Variants in KCNQ5 observed in about 807,000 individuals in gnomAD.
The protein encoded by KCNQ5 is potassium voltage-gated channel subfamily Q member 5.
KCNQ5 carries 30 observed loss-of-function variants against 98.2 expected under a neutral mutation model. That is an observed-to-expected ratio of 0.31 (90% CI 0.23 to 0.41). The LOEUF (loss-of-function observed/expected upper bound fraction) is 0.41, where lower values mean the gene tolerates loss of function less well. Ranked by LOEUF, KCNQ5 falls within the 10% of genes least tolerant of loss-of-function variation. The pLI is 1.00. For missense variants in KCNQ5, 835 were observed against 1,182.5 expected, an observed-to-expected ratio of 0.71 and a Z score of 4.31; for synonymous variants, 458 against 449.4, an observed-to-expected ratio of 1.02 and a Z score of -0.24.
chr6:73,029,727 A>G (rs9342996), intron 2 of KCNQ5, among the ~76,000 whole-genome samples: 138,467 of 151,126 alleles, frequency 0.92, 64,699 homozygotes, highest in East Asian at 1. Flanking sequence ...AGGTCAGGAG[A>G]TCGAGACCAT....
chr6:72,895,036 T>C (rs1235688066), intron 1 of KCNQ5, among the ~76,000 whole-genome samples: 1 of 149,752 alleles, frequency 6.7e-6, no homozygotes, highest in Admixed American at 6.6e-5. Context: ...TCCCAGACTT[T>C]GGGAGGCCGA....
At chr6:73,078,163 T>C (rs1773611665) in intron 5 of KCNQ5, among the ~76,000 whole-genome samples, 1 of 151,354 alleles carries the variant, frequency 6.6e-6, no homozygotes, top group African/African-American at 2.4e-5. Flanking sequence ...ATTTTTAAAA[T>C]GGTGATTAAA....
chr6:72,777,105 T>A, intron 1 of KCNQ5, among the ~76,000 whole-genome samples: 1 of 152,220 alleles, frequency 6.6e-6, no homozygotes, highest in East Asian at 1.9e-4. Context: ...CTGAGATGGA[T>A]GAAACCAACA....
At chr6:72,785,420 G>A (rs897745273) in intron 1 of KCNQ5, among the ~76,000 whole-genome samples, 5 of 151,964 alleles carry the variant, frequency 3.3e-5, no homozygotes, top group Non-Finnish European at 5.9e-5. Context: ...AGGCCGAGGC[G>A]GGTGGATCGC....
At chr6:73,010,910 A>G (rs1770036141) in intron 2 of KCNQ5, among the ~76,000 whole-genome samples, 3 of 152,052 alleles carry the variant, frequency 2.0e-5, no homozygotes, top group African/African-American at 4.8e-5. Context: ...CCCTGTCCAT[A>G]GTTTTGAGAA....
At chr6:72,685,930 A>C (rs560295596) in intron 1 of KCNQ5, among the ~76,000 whole-genome samples, 1 of 152,162 alleles carries the variant, frequency 6.6e-6, no homozygotes, top group Admixed American at 6.5e-5. Context: ...AACAGATTCA[A>C]TTCTTAGTGA....
At chr6:72,638,752 T>C (rs184604810) in intron 1 of KCNQ5, among the ~76,000 whole-genome samples, 93 of 152,330 alleles carry the variant, frequency 6.1e-4, no homozygotes, top group Non-Finnish European at 1.0e-3. Context: ...AAATCTGTTA[T>C]GTTTTTGTAC....
At chr6:73,135,154 G>C (rs1582421934) in intron 10 of KCNQ5, 1 of 151,956 alleles carries the variant, frequency 6.6e-6, no homozygotes, top group Admixed American at 6.6e-5. Flanking sequence ...CATTAGAAAT[G>C]ATGCTCTAAA....
intron 3 of KCNQ5, among the ~76,000 whole-genome samples, chr6:73,058,736 AT>A (rs1187668030): frequency 1.3e-5 from 2 of 152,218 alleles, no homozygotes; most frequent in Non-Finnish European, 2.9e-5. Flanking sequence ...AAACAACACC[AT>A]TAAAAAATGG....
intron 1 of KCNQ5, among the ~76,000 whole-genome samples, chr6:72,748,409 G>C (rs1282255042): frequency 6.6e-6 from 1 of 152,020 alleles, no homozygotes; most frequent in African/African-American, 2.4e-5. Flanking sequence ...AGCCTGTTAT[G>C]AATGAGAATC....
chr6:72,781,644 A>T (rs774914234), intron 1 of KCNQ5, among the ~76,000 whole-genome samples: 1 of 152,124 alleles, frequency 6.6e-6, no homozygotes, highest in Non-Finnish European at 1.5e-5. Flanking sequence ...TGCTGCCCAT[A>T]CTCAAGTATT....
chr6:72,788,885 A>T (rs1773888937), intron 1 of KCNQ5, among the ~76,000 whole-genome samples: 1 of 152,200 alleles, frequency 6.6e-6, no homozygotes, highest in Non-Finnish European at 1.5e-5. Context: ...AGGCCATCCT[A>T]AAAACCTTGT....
chr6:73,055,310 G>C (rs1217202630), intron 3 of KCNQ5: 2 of 1,410,470 alleles, frequency 1.4e-6, no homozygotes, highest in African/African-American at 2.8e-5. Flanking sequence ...AGATGCCATT[G>C]ATCAGATGTA....
At chr6:72,672,845 A>G (rs1767201665) in intron 1 of KCNQ5, among the ~76,000 whole-genome samples, 1 of 152,232 alleles carries the variant, frequency 6.6e-6, no homozygotes, top group Admixed American at 6.5e-5. Flanking sequence ...TATCAGAGTT[A>G]GCATAAAAAA....
chr6:73,157,432 G>A, intron 10 of KCNQ5: 2 of 653,334 alleles, frequency 3.1e-6, no homozygotes, highest in Admixed American at 2.1e-5. Flanking sequence ...GCCGCCCGGG[G>A]GCGGGGGCGG....
In KCNQ5 at chr6:73,195,552, T is replaced by G; in HGVS notation, c.*138T>G. The G allele has an allele frequency of 9.2e-7, 1 of 1,086,240 alleles. No individual in the cohort carries two copies. The highest frequency in any genetic ancestry group is 1.3e-6 in the Non-Finnish European group (1 of 765,582). 67.3% of individuals were successfully genotyped at this position (1,086,240 alleles called of 1,614,324 possible). A position where few individuals can be genotyped will look rare whatever the true frequency, so the allele number is the denominator to read the frequency against. ...AAAGGCAGTTTATAAGCCCGTTACC[T>G]TTTAATTGCATGAAAATGCATGTTT... On this transcript the variant is annotated 3_prime_UTR_variant, in exon 14 of 14. Transcript: ENST00000370398.
intron 5 of KCNQ5, among the ~76,000 whole-genome samples, chr6:73,098,054 CA>C (rs1216968180): frequency 6.6e-6 from 1 of 152,000 alleles, no homozygotes; most frequent in African/African-American, 2.4e-5. Context: ...AGAATTTTAT[CA>C]GATAAATTTA....
At position 73,036,385 on chromosome 6, in the gene KCNQ5, C is replaced by CAAAA. The variant is rs70994156; in HGVS notation, c.490-5527_490-5524dup. Among the ~76,000 whole-genome samples, 31 of 78,530 alleles carry CAAAA rather than the reference C, an allele frequency of 3.9e-4. 1 individual carries two copies. The highest frequency in any genetic ancestry group is 1.5e-3 in the African/African-American group (24 of 16,394). 51.5% of individuals were successfully genotyped at this position (78,530 alleles called of 152,430 possible). Reference sequence around the variant, plus strand: ...TGGGCAACAGCGCGAGACTCTGTCTCAAAAAAAAAAAAAAAAAAAAAAAAA... The same window carrying CAAAA: ...TGGGCAACAGCGCGAGACTCTGTCTCAAAAAAAAAAAAAAAAAAAAAAAAAAAAA... On this transcript the variant is annotated intron_variant, in intron 2 of 13. Coordinates refer to ENST00000370398, the MANE Select transcript of KCNQ5 (RefSeq NM_019842.4).
chr6:73,003,300 T>C (rs1037987479), intron 1 of KCNQ5, among the ~76,000 whole-genome samples: 1 of 152,182 alleles, frequency 6.6e-6, no homozygotes, highest in Admixed American at 6.5e-5. Context: ...GCAGTTTGAC[T>C]AGAAGGAAAT....
Sources: allele counts gnomAD v4.1 joint callset (sites outside exome capture counted in the v4.1 genomes callset), GRCh38; gene constraint gnomAD v4.1.1; transcripts MANE v1.5; gene names NCBI Gene and HGNC (gene_info 2026-07-23, HGNC 2026-07-21).